Variants in LMBRD2 observed in about 807,000 individuals in gnomAD.
The protein encoded by LMBRD2 is LMBR1 domain containing 2, also known as G protein-coupled receptor-associated protein LMBRD2.
Under a neutral mutation model 94.4 loss-of-function variants are expected in LMBRD2, and 55 were observed. The ratio of observed to expected loss-of-function variants is 0.58; its 90% CI spans 0.47 to 0.73. LMBRD2 has a LOEUF of 0.73. Ranked by LOEUF, LMBRD2 falls within the 30% of genes least tolerant of loss-of-function variation. The probability of loss-of-function intolerance (pLI) is 0.00; values close to 1 mark genes in which losing one functional copy is unlikely to be tolerated. For synonymous variants in LMBRD2, 246 were observed against 272.4 expected, an observed-to-expected ratio of 0.90 and a Z score of 0.95; for missense variants, 640 against 831.9, an observed-to-expected ratio of 0.77 and a Z score of 2.84.
intron 1 of LMBRD2, among the ~76,000 whole-genome samples, chr5:36,150,396 C>G (rs1014578955): frequency 3.3e-5 from 5 of 152,210 alleles, no homozygotes; most frequent in Non-Finnish European, 7.3e-5. Flanking sequence ...TTTTACATCT[C>G]AAAACTGTTT....
In LMBRD2 at chr5:36,136,430, A is replaced by G; in HGVS notation, c.626T>C (p.Ile209Thr). The part of the protein sequence containing the change: ...VLLLGYGLVE[I>T]PRSYWNGAKR... ...TGCTCCATTCCAGTATGATCGAGGAATTTCCACCAAGCCATACCCCAACAA... is the reference window on the plus strand; with the variant it reads ...TGCTCCATTCCAGTATGATCGAGGAGTTTCCACCAAGCCATACCCCAACAA... The change falls in exon 6 of 18, where the codon ATT becomes ACT. Residue 209 changes from isoleucine (I) to threonine (T), a missense_variant. Physicochemically the swap from Ile to Thr is moderately conservative, Grantham distance 89 (BLOSUM62 -1). Coordinates refer to ENST00000296603, the MANE Select transcript of LMBRD2 (RefSeq NM_001007527.2). 1 of 1,614,040 alleles carries G rather than the reference A, an allele frequency of 6.2e-7. No individual in the cohort carries two copies. The highest frequency in any genetic ancestry group is 1.1e-5 in the South Asian group (1 of 91,088).
At chr5:36,140,311 C>T (rs998176266) in intron 4 of LMBRD2, among the ~76,000 whole-genome samples, 1 of 152,336 alleles carries the variant, frequency 6.6e-6, no homozygotes, top group African/African-American at 2.4e-5. Context: ...ACTCACACAC[C>T]CCTCACCACT....
chr5:36,136,181 G>T (rs1278397337), intron 6 of LMBRD2, 128 bp downstream of exon 6: 1 of 816,490 alleles, frequency 1.2e-6, no homozygotes, highest in Non-Finnish European at 2.1e-6. Flanking sequence ...CATCCTGAAG[G>T]ATTGCACAAC....
At chr5:36,110,532 T>C (rs1743579224) in intron 14 of LMBRD2, among the ~76,000 whole-genome samples, 1 of 152,022 alleles carries the variant, frequency 6.6e-6, no homozygotes, top group Non-Finnish European at 1.5e-5. Flanking sequence ...AAGGCTACAC[T>C]GGCTTATTTT....
intron 6 of LMBRD2, among the ~76,000 whole-genome samples, chr5:36,133,996 C>T (rs941566527): frequency 5.9e-5 from 9 of 151,758 alleles, no homozygotes; most frequent in Non-Finnish European, 1.2e-4. Flanking sequence ...TTGGATGGAA[C>T]GCTATCAAAC....
chr5:36,145,127 A>C (rs1341834175), intron 1 of LMBRD2, among the ~76,000 whole-genome samples: 2 of 152,202 alleles, frequency 1.3e-5, no homozygotes, highest in Non-Finnish European at 2.9e-5. Context: ...ACTATATTCC[A>C]GTTGTCTGAT....
At position 36,114,273 on chromosome 5, in the gene LMBRD2, T is replaced by C. The variant is rs1743686770; in HGVS notation, c.1640+151A>G. 3 of 755,790 alleles carry C rather than the reference T, an allele frequency of 4.0e-6. No homozygotes were observed. In the African/African-American group the frequency reaches 5.6e-5, roughly 14 times the overall value. 46.8% of individuals were successfully genotyped at this position (755,790 alleles called of 1,614,324 possible). A position where few individuals can be genotyped will look rare whatever the true frequency, so the allele number is the denominator to read the frequency against. Reference sequence around the variant, plus strand: ...TTTTTAGAGGGAGACTCGCACCTGATCACTCAAGTAGTCCCTTCAAACTAT... The same window carrying C: ...TTTTTAGAGGGAGACTCGCACCTGACCACTCAAGTAGTCCCTTCAAACTAT... On this transcript the variant is annotated intron_variant, in intron 13 of 17. Coordinates refer to ENST00000296603, the MANE Select transcript of LMBRD2 (RefSeq NM_001007527.2).
At chr5:36,126,518 C>T (rs747953741) in intron 6 of LMBRD2, among the ~76,000 whole-genome samples, 1 of 152,132 alleles carries the variant, frequency 6.6e-6, no homozygotes, top group Non-Finnish European at 1.5e-5. Context: ...AGACAGCATT[C>T]GTGAAGGGAG....
intron 6 of LMBRD2, among the ~76,000 whole-genome samples, chr5:36,128,145 C>T (rs1223807121): frequency 6.6e-6 from 1 of 152,156 alleles, no homozygotes; most frequent in African/African-American, 2.4e-5. Context: ...AGATCTTATC[C>T]AAGACCACCA....
At position 36,115,072 on chromosome 5, in the gene LMBRD2, C is replaced by A; in HGVS notation, c.1485G>T (p.Leu495Phe). The change falls in exon 12 of 18, where the codon TTG (leucine) becomes TTT (phenylalanine). Residue 495 changes from leucine (L) to phenylalanine (F), a missense_variant. This residue lies in a region of LMBRD2 where 457 missense variants were observed against 642.8 expected (regional missense o/e 0.71). Coordinates refer to ENST00000296603, the MANE Select transcript of LMBRD2 (RefSeq NM_001007527.2). Reference protein sequence around the residue: ...TPPLCLNFLGLTHMDSSISHK... With the variant: ...TPPLCLNFLGFTHMDSSISHK... Reference sequence around the variant, plus strand: ...GAGAGATAGATGAATCCATATGGGTCAAACCCAAGAAATTAAGACATAAAG... The same window carrying A: ...GAGAGATAGATGAATCCATATGGGTAAAACCCAAGAAATTAAGACATAAAG... The A allele has an allele frequency of 1.9e-6, 3 of 1,611,910 alleles. No homozygotes were observed. In the South Asian group the frequency reaches 3.3e-5, roughly 18 times the overall value.
At chr5:36,130,586 A>G (rs1002029654) in intron 6 of LMBRD2, among the ~76,000 whole-genome samples, 2 of 152,230 alleles carry the variant, frequency 1.3e-5, no homozygotes, top group African/African-American at 4.8e-5. Context: ...CTTATCAATA[A>G]TAACACTGAA....
In LMBRD2 at chr5:36,105,097, A is replaced by G. The variant is rs776559330; in HGVS notation, c.1998T>C (p.Thr666=). The G allele has an allele frequency of 9.9e-6, 16 of 1,612,730 alleles. No individual in the cohort carries two copies. In the South Asian group the frequency reaches 1.6e-4, roughly 17 times the overall value. The change falls in exon 17 of 18, where the codon ACT becomes ACC. Residue 666 remains threonine, a synonymous_variant. Coordinates refer to ENST00000296603, the MANE Select transcript of LMBRD2 (RefSeq NM_001007527.2). ...EPLDFNAETF[T]DDPLESESGR... ...CTGATTCAGATTCAAGAGGATCATC[A>G]GTGAATGTTTCTGCATTAAAATCCA...
chr5:36,103,438 G>A lies in LMBRD2; in HGVS notation c.*608C>T, dbSNP rs1042251786. Reference sequence around the variant, plus strand: ...CTAAATACACAGACACGCATCACTTGAAGTATAATCTTAATCTTATACATG... The same window carrying A: ...CTAAATACACAGACACGCATCACTTAAAGTATAATCTTAATCTTATACATG... On this transcript the variant is annotated 3_prime_UTR_variant, in exon 18 of 18. Transcript: ENST00000296603. 1 of 152,232 alleles carries A rather than the reference G, an allele frequency of 6.6e-6. No homozygotes were observed. Among genetic ancestry groups the A allele is most frequent in the African/African-American group, 2.4e-5 (1 of 41,370 alleles). 9.4% of individuals were successfully genotyped at this position (152,232 alleles called of 1,614,324 possible).
rs752505745 is a variant in LMBRD2, at chr5:36,141,231, A to T, written c.273-29T>A. ...TTGAATAAAAAGTTAAAGCCAACTA[A>T]TCATAAATGACTACTTAAATGAATT... is the stretch of plus-strand genomic sequence containing the variant. On this transcript the variant is annotated intron_variant, in intron 3 of 17. Transcript: ENST00000296603. 7 of 1,263,814 alleles carry T rather than the reference A, an allele frequency of 5.5e-6. No individual in the cohort carries two copies. In the South Asian group the frequency reaches 7.5e-5, roughly 14 times the overall value. 78.3% of individuals were successfully genotyped at this position (1,263,814 alleles called of 1,614,324 possible). A position where few individuals can be genotyped will look rare whatever the true frequency, so the allele number is the denominator to read the frequency against.
chr5:36,141,062 C>T (rs753276849), intron 4 of LMBRD2, 45 bp downstream of exon 4: 37 of 1,032,168 alleles, frequency 3.6e-5, no homozygotes, highest in Middle Eastern at 4.1e-4. Flanking sequence ...ACATTTTATT[C>T]CTTTAGCCAA....
intron 6 of LMBRD2, among the ~76,000 whole-genome samples, chr5:36,125,328 T>C (rs541960185): frequency 1.3e-5 from 2 of 151,896 alleles, no homozygotes; most frequent in African/African-American, 2.4e-5. Context: ...GGGCATAGAG[T>C]AGAGCAGGGT....
At chr5:36,146,941 A>AGTGTGTGTGT (rs371000455) in intron 1 of LMBRD2, among the ~76,000 whole-genome samples, 8 of 139,466 alleles carry the variant, frequency 5.7e-5, no homozygotes, top group Admixed American at 5.0e-4. Context: ...TGTGTGTGTG[A>AGTGTGTGTGT]GTGTGTGTGT....
At chr5:36,131,450 ACTG>A (rs1744150418) in intron 6 of LMBRD2, among the ~76,000 whole-genome samples, 1 of 152,150 alleles carries the variant, frequency 6.6e-6, no homozygotes, top group Non-Finnish European at 1.5e-5. Flanking sequence ...CACTTTCACC[ACTG>A]TTATTCAATA....
At chr5:36,120,161 C>T (rs756628753) in intron 9 of LMBRD2, among the ~76,000 whole-genome samples, 61 of 150,726 alleles carry the variant, frequency 4.0e-4, no homozygotes, top group Non-Finnish European at 7.1e-4. Context: ...CGGGTTCAAG[C>T]GATTCTCCTG....
Sources: allele counts gnomAD v4.1 joint callset (sites outside exome capture counted in the v4.1 genomes callset), GRCh38; gene constraint gnomAD v4.1.1; regional missense constraint gnomAD v4.1.1; transcripts MANE v1.5; gene names NCBI Gene and HGNC (gene_info 2026-07-23, HGNC 2026-07-21).